CPSF3: variants seen among roughly 807,000 people sequenced by gnomAD.
CPSF3 encodes the protein cleavage and polyadenylation specificity factor subunit 3.
A neutral mutation model predicts 84.1 loss-of-function variants in CPSF3; 57 were observed. The observed-to-expected ratio is 0.68, with a 90% CI of 0.55 to 0.85. CPSF3 has a LOEUF of 0.85. Ranked by LOEUF, CPSF3 falls within the 40% of genes least tolerant of loss-of-function variation. The pLI is 0.00. For missense variants in CPSF3, 522 were observed against 838.8 expected (o/e 0.62, Z 4.66); for synonymous variants, 275 against 278.1 (o/e 0.99, Z 0.11).
In CPSF3 at chr2:9,457,034, AAAGAT is replaced by A; in HGVS notation, c.1698+8_1698+12del. 6.6e-7 allele frequency: 1 copy of A among 1,519,446 alleles called. No individual in the cohort carries two copies. Among genetic ancestry groups the A allele is most frequent in the Non-Finnish European group, 9.0e-7 (1 of 1,108,160 alleles). The allele number at this position is 1,519,446 out of a possible 1,614,324, so 94.1% of individuals were successfully genotyped here. A position where few individuals can be genotyped will look rare whatever the true frequency, so the allele number is the denominator to read the frequency against. On this transcript the variant is annotated splice_region_variant and intron_variant, in intron 14 of 17. Transcript: ENST00000238112. The stretch of plus-strand genomic sequence containing the variant: ...AGGCATGGTGGTATTAGAAGTAAGA[AAAGAT>A]CATTTACCTAAACAATGAGGGGAAA...
At chr2:9,432,736 G>A in intron 5 of CPSF3, 48 bp downstream of exon 5, 1 of 1,403,176 alleles carries the variant, frequency 7.1e-7, no homozygotes. Flanking sequence ...TCAGTACAGA[G>A]CTTTGTGCCA....
chr2:9,431,494 A>G (rs929315101), intron 4 of CPSF3, among the ~76,000 whole-genome samples: 4 of 150,718 alleles, frequency 2.7e-5, no homozygotes, highest in African/African-American at 7.4e-5. Context: ...TTCCTAATGT[A>G]TATTAACTTC....
intron 7 of CPSF3, among the ~76,000 whole-genome samples, 193 bp downstream of exon 7, chr2:9,436,554 A>T (rs1247294203): frequency 6.6e-6 from 1 of 152,008 alleles, no homozygotes; most frequent in African/African-American, 2.4e-5. Context: ...TGGGGAGATC[A>T]CGAGATCAGG....
At chr2:9,467,686 T>C in intron 15 of CPSF3, 21 bp from the exon 16 acceptor site, 1 of 1,579,798 alleles carries the variant, frequency 6.3e-7, no homozygotes, top group South Asian at 1.2e-5. Flanking sequence ...CTGAACTCTC[T>C]GTCGCTTTTT....
At chr2:9,459,666 T>A (rs1475546743) in intron 15 of CPSF3, 48 bp downstream of exon 15, 1 of 673,688 alleles carries the variant, frequency 1.5e-6, no homozygotes, top group Admixed American at 3.2e-5. Flanking sequence ...TTTTTTTTTT[T>A]GGAGACGGAT....
Position 9,452,896 on chromosome 2 carries a change from G to A in CPSF3, c.1396-17G>A. 5.8e-6 allele frequency: 9 copies of A among 1,539,154 alleles called. No individual in the cohort carries two copies. The highest frequency in any genetic ancestry group is 7.9e-6 in the Non-Finnish European group (9 of 1,133,062). On this transcript the variant is annotated splice_polypyrimidine_tract_variant and intron_variant, in intron 11 of 17. Coordinates refer to ENST00000238112, the MANE Select transcript of CPSF3 (RefSeq NM_016207.4). ...TTTTACCAGGTTCTATTTTCTTCAA[G>A]TATTTTTTTTTTACAGGTTATGGGA...
chr2:9,433,353 C>G (rs561866900), intron 5 of CPSF3, among the ~76,000 whole-genome samples: 4 of 152,322 alleles, frequency 2.6e-5, no homozygotes, highest in South Asian at 2.1e-4. Flanking sequence ...GTGTCACGTC[C>G]TAAATTTTTC....
intron 6 of CPSF3, among the ~76,000 whole-genome samples, chr2:9,435,334 G>A (rs1001124753): frequency 1.3e-5 from 2 of 152,060 alleles, no homozygotes; most frequent in Non-Finnish European, 2.9e-5. Context: ...TCTTCCTAAT[G>A]GAAAGCAAAA....
intron 5 of CPSF3, among the ~76,000 whole-genome samples, chr2:9,433,345 G>T (rs1364014351): frequency 6.6e-6 from 1 of 152,196 alleles, no homozygotes; most frequent in East Asian, 1.9e-4. Flanking sequence ...ATGCTCTAGT[G>T]TCACGTCCTA....
At chr2:9,427,427 G>A (rs1302310449) in intron 1 of CPSF3, among the ~76,000 whole-genome samples, 3 of 152,146 alleles carry the variant, frequency 2.0e-5, no homozygotes, top group Non-Finnish European at 4.4e-5. Flanking sequence ...TTTGGGAAAG[G>A]GAAGAAAGTT....
At chr2:9,427,484 C>T (rs1189232531) in intron 1 of CPSF3, among the ~76,000 whole-genome samples, 2 of 152,136 alleles carry the variant, frequency 1.3e-5, no homozygotes, top group Non-Finnish European at 2.9e-5. Flanking sequence ...AGCCAGGCAA[C>T]ATTGAGGGCC....
intron 9 of CPSF3, 81 bp from the exon 10 acceptor site, chr2:9,443,434 G>T: frequency 2.2e-6 from 3 of 1,389,418 alleles, no homozygotes; most frequent in South Asian, 2.8e-5. Context: ...ATGAATTTAT[G>T]ACTGCATGAA....
intron 7 of CPSF3, among the ~76,000 whole-genome samples, chr2:9,440,220 TATACTG>T (rs1436054898): frequency 6.6e-6 from 1 of 152,210 alleles, no homozygotes; most frequent in African/African-American, 2.4e-5. Context: ...AGTGTAAACT[TATACTG>T]AGTCATGTTT....
chr2:9,448,066 T>C, intron 10 of CPSF3, 132 bp from the exon 11 acceptor site: 1 of 501,038 alleles, frequency 2.0e-6, no homozygotes. Context: ...TTAAAAGTAG[T>C]AAAGTTTCAT....
At chr2:9,462,163 C>T (rs1168964629) in intron 15 of CPSF3, among the ~76,000 whole-genome samples, 4 of 152,188 alleles carry the variant, frequency 2.6e-5, no homozygotes, top group Non-Finnish European at 5.9e-5. Flanking sequence ...ACGCCCAGGG[C>T]TTTGGGCCAC....
Position 9,440,545 on chromosome 2 carries a change from C to A in CPSF3, c.815C>A (p.Ser272Ter). 2.5e-6 allele frequency: 4 copies of A among 1,614,162 alleles called. No individual in the cohort carries two copies. Among genetic ancestry groups the A allele is most frequent in the Non-Finnish European group, 3.4e-6 (4 of 1,180,024 alleles). Residue 272 changes from serine (S) to a stop codon, truncating the protein, a stop_gained, in exon 8 of 18, where the codon TCA becomes TAA. Transcript: ENST00000238112. LOFTEE classifies it high-confidence loss of function. The part of the protein sequence containing the change: ...ELHDIPIYYA[S>*]SLAKKCMAVY... ...CATGACATTCCAATATACTATGCAT[C>A]ATCTTTGGCCAAGAAGTGTATGGCA...
At chr2:9,449,524 T>A (rs949770175) in intron 11 of CPSF3, among the ~76,000 whole-genome samples, 1 of 152,088 alleles carries the variant, frequency 6.6e-6, no homozygotes, top group Non-Finnish European at 1.5e-5. Flanking sequence ...GGCGAATCGC[T>A]TTAGCTCAGG....
chr2:9,440,429 G>T, intron 7 of CPSF3, 62 bp from the exon 8 acceptor site: 1 of 1,332,476 alleles, frequency 7.5e-7, no homozygotes, highest in Non-Finnish European at 1.1e-6. Context: ...TGTATCATTT[G>T]TTATTTGAAC....
chr2:9,455,161 A>G (rs4316913), intron 12 of CPSF3, among the ~76,000 whole-genome samples: 149,554 of 149,796 alleles, frequency 1, 74,656 homozygotes, highest in East Asian at 1. Flanking sequence ...TTCTGAGATG[A>G]AGTCTTGCTC....
Sources: gnomAD v4.1 joint callset for allele counts (sites outside exome capture counted in the v4.1 genomes callset) on GRCh38, gnomAD v4.1.1 for gene constraint, MANE v1.5 for transcripts, NCBI Gene and HGNC (gene_info 2026-07-23, HGNC 2026-07-21) for gene names.